DHX57: variants seen among roughly 807,000 people sequenced by gnomAD.
The protein encoded by DHX57 is putative ATP-dependent RNA helicase DHX57.
Under a neutral mutation model 156.2 loss-of-function variants are expected in DHX57, and 105 were observed. That is an observed-to-expected ratio of 0.67 (90% CI 0.57 to 0.79). The LOEUF (loss-of-function observed/expected upper bound fraction) is 0.79, where lower values mean the gene tolerates loss of function less well. Among genes scored for constraint, DHX57 ranks in the 30% least tolerant of loss-of-function variants. The pLI, the probability that DHX57 is intolerant of heterozygous loss-of-function variation, is 0.00. For missense variants in DHX57, 1,847 were observed against 1,661.9 expected (o/e 1.11, Z -1.94); for synonymous variants, 704 against 595.6 (o/e 1.18, Z -2.65).
intron 4 of DHX57, 64 bp downstream of exon 4, chr2:38,862,081 G>A (rs1248950320): frequency 6.7e-7 from 1 of 1,501,836 alleles, no homozygotes; most frequent in East Asian, 2.3e-5. Flanking sequence ...AGGGGTAGTG[G>A]GTTTATATGA....
At position 38,798,146 on chromosome 2, in the gene DHX57, A is replaced by C. The variant is rs1558345458; in HGVS notation, c.*153T>G. 3 of 972,084 alleles carry C rather than the reference A, an allele frequency of 3.1e-6. No homozygotes were observed. The highest frequency in any genetic ancestry group is 1.6e-5 in the African/African-American group (1 of 61,242). 60.2% of individuals were successfully genotyped at this position (972,084 alleles called of 1,614,324 possible). A position where few individuals can be genotyped will look rare whatever the true frequency, so the allele number is the denominator to read the frequency against. ...CTTTGTTAGAAATGGCCCTAAGGGT[A>C]TATACACTGCCTCAGCTGCCTTGGG... On this transcript the variant is annotated 3_prime_UTR_variant, in exon 24 of 24. Coordinates refer to ENST00000457308, the MANE Select transcript of DHX57 (RefSeq NM_198963.3).
At chr2:38,812,348 C>G (rs1257348432) in intron 21 of DHX57, among the ~76,000 whole-genome samples, 1 of 152,082 alleles carries the variant, frequency 6.6e-6, no homozygotes, top group Non-Finnish European at 1.5e-5. Context: ...CAGATGTTAA[C>G]TGAGGATTTA....
chr2:38,810,886 C>G, intron 21 of DHX57: 1 of 758,600 alleles, frequency 1.3e-6, no homozygotes, highest in Non-Finnish European at 2.3e-6. Flanking sequence ...GTCAATATGG[C>G]CCACGCTGTG....
Position 38,855,177 on chromosome 2 carries a change from G to T in DHX57, c.1785C>A (p.Asn595Lys). ...SLNGPPEKVA[N>K]IICTQPRRIS... ...TTCGTCGGGGTTGGGTACAGATGAT[G>T]TTGGCTACCTTCTCAGGTGGTCCAT... is the stretch of plus-strand genomic sequence containing the variant. Residue 595 changes from asparagine to lysine, a missense_variant, in exon 8 of 24, where the codon AAC (asparagine) becomes AAA (lysine). Asn to Lys is a moderately conservative substitution (Grantham distance 94). Transcript: ENST00000457308. 2.5e-6 allele frequency: 4 copies of T among 1,614,146 alleles called. No homozygotes were observed. Among genetic ancestry groups the T allele is most frequent in the Non-Finnish European group, 3.4e-6 (4 of 1,180,030 alleles).
chr2:38,854,646 C>T, intron 8 of DHX57: 1 of 165,018 alleles, frequency 6.1e-6, no homozygotes, highest in Non-Finnish European at 1.3e-5. Context: ...ATTGCAACTT[C>T]CGTCTCCCAG....
rs768755765 is a variant in DHX57, at chr2:38,802,848, C to T, written c.3884G>A (p.Arg1295Gln). The change falls in exon 23 of 24, where the codon CGA (arginine) becomes CAA (glutamine). Residue 1295 changes from arginine to glutamine, a missense_variant. Physicochemically the swap from Arg to Gln is conservative, Grantham distance 43. Coordinates refer to ENST00000457308, the MANE Select transcript of DHX57 (RefSeq NM_198963.3). ...GTACACAGACACCATGCTGCAGTCTCGGATGAATACTCGACTAGTTTTTAT... is the reference window on the plus strand; with the variant it reads ...GTACACAGACACCATGCTGCAGTCTTGGATGAATACTCGACTAGTTTTTAT... ...EKIKTSRVFI[R>Q]DCSMVSVYPL... 8.7e-6 allele frequency: 14 copies of T among 1,613,986 alleles called. No homozygotes were observed. The highest frequency in any genetic ancestry group is 6.7e-5 in the East Asian group (3 of 44,888).
At chr2:38,850,963 G>C (rs966394260) in intron 9 of DHX57, among the ~76,000 whole-genome samples, 1 of 152,078 alleles carries the variant, frequency 6.6e-6, no homozygotes, top group Non-Finnish European at 1.5e-5. Flanking sequence ...TGTAGTTGCG[G>C]CTACTTGGGA....
At chr2:38,839,007 C>T (rs534715263) in intron 12 of DHX57, among the ~76,000 whole-genome samples, 60 of 151,830 alleles carry the variant, frequency 4.0e-4, no homozygotes, top group South Asian at 3.1e-3. Flanking sequence ...TCTCGGCTCA[C>T]TGCAACCTCC....
intron 19 of DHX57, among the ~76,000 whole-genome samples, chr2:38,818,041 G>T (rs1041171138): frequency 1.3e-5 from 2 of 152,108 alleles, no homozygotes; most frequent in Non-Finnish European, 2.9e-5. Flanking sequence ...TCTGATAGAT[G>T]TAAGAAAAAT....
chr2:38,862,122 C>T (rs747096707), intron 4 of DHX57, 23 bp downstream of exon 4: 1 of 1,569,252 alleles, frequency 6.4e-7, no homozygotes, highest in Admixed American at 1.8e-5. Context: ...TTCCCAACTC[C>T]CATAAATGAT....
At chr2:38,808,445 T>G (rs1670070447) in intron 21 of DHX57, among the ~76,000 whole-genome samples, 1 of 152,142 alleles carries the variant, frequency 6.6e-6, no homozygotes, top group South Asian at 2.1e-4. Context: ...TTAAGAACAT[T>G]TTTCCATGTT....
At chr2:38,826,409 T>G in intron 15 of DHX57, 107 bp downstream of exon 15, 1 of 1,334,426 alleles carries the variant, frequency 7.5e-7, no homozygotes, top group South Asian at 1.4e-5. Flanking sequence ...CAAAGTATTT[T>G]TTCATACAGT....
intron 9 of DHX57, among the ~76,000 whole-genome samples, chr2:38,852,397 C>T (rs916111851): frequency 6.7e-6 from 1 of 150,168 alleles, no homozygotes; most frequent in East Asian, 1.9e-4. Flanking sequence ...TATCAGTCCA[C>T]CAAGTTTACT....
intron 23 of DHX57, among the ~76,000 whole-genome samples, chr2:38,800,051 G>A (rs1363964613): frequency 6.6e-6 from 1 of 152,030 alleles, no homozygotes; most frequent in East Asian, 1.9e-4. Context: ...GCCGGGTGGT[G>A]GCGTATGCCT....
intron 12 of DHX57, among the ~76,000 whole-genome samples, chr2:38,841,823 A>G (rs1163539934): frequency 6.6e-6 from 1 of 152,228 alleles, no homozygotes; most frequent in African/African-American, 2.4e-5. Flanking sequence ...ACATAGGAAC[A>G]AAGAGTAGCC....
chr2:38,853,608 G>C (rs927877278), intron 9 of DHX57: 1 of 152,442 alleles, frequency 6.6e-6, no homozygotes, highest in East Asian at 1.9e-4. Flanking sequence ...ATGAGGGGGA[G>C]CCATACATGC....
chr2:38,856,035 C>T (rs1391312237), intron 7 of DHX57, among the ~76,000 whole-genome samples: 2 of 152,134 alleles, frequency 1.3e-5, no homozygotes, highest in African/African-American at 4.8e-5. Context: ...CACTTGAACC[C>T]AGGAGGCAAA....
At chr2:38,852,333 A>G (rs919626254) in intron 9 of DHX57, among the ~76,000 whole-genome samples, 36 of 74,640 alleles carry the variant, frequency 4.8e-4, no homozygotes, top group Non-Finnish European at 1.1e-3. Context: ...CCTGCCACCA[A>G]TCCTTTTTTT....
Position 38,823,105 on chromosome 2 carries a change from G to C in DHX57, c.3179C>G (p.Ala1060Gly), listed in dbSNP as rs753971820. 3.1e-6 allele frequency: 5 copies of C among 1,614,014 alleles called. No individual in the cohort carries two copies. The Admixed American group carries it at 8.3e-5, about 27-fold the overall frequency. Residue 1060 changes from alanine to glycine, a missense_variant, in exon 17 of 24, where the codon GCC becomes GGC. By Grantham distance (60) the Ala-to-Gly change is moderately conservative. Coordinates refer to ENST00000457308, the MANE Select transcript of DHX57 (RefSeq NM_198963.3). ...AATTCTCACATCCACGGGCAGAGAG[G>C]CCAAATGATACCCAAGAGGGGTCAA... ...ERLTPLGYHLASLPVDVRIGK... is the reference protein window; with the variant it reads ...ERLTPLGYHLGSLPVDVRIGK...
Sources: allele counts gnomAD v4.1 joint callset (sites outside exome capture counted in the v4.1 genomes callset), GRCh38; gene constraint gnomAD v4.1.1; transcripts MANE v1.5; gene names NCBI Gene and HGNC (gene_info 2026-07-23, HGNC 2026-07-21).